The following PSME4 variants were observed in gnomAD, a reference collection of about 807,000 sequenced individuals.
PSME4 encodes the protein proteasome activator complex subunit 4.
PSME4 carries 89 observed loss-of-function variants against 253.9 expected under a neutral mutation model. That is an observed-to-expected ratio of 0.35 (90% CI 0.30 to 0.42). The LOEUF is 0.42. Ranked by LOEUF, PSME4 falls within the 10% of genes least tolerant of loss-of-function variation. The pLI is 1.00. For missense variants in PSME4, 2,014 were observed against 2,195.2 expected, an observed-to-expected ratio of 0.92 and a Z score of 1.65; for synonymous variants, 851 against 759.2, an observed-to-expected ratio of 1.12 and a Z score of -1.99.
At position 53,936,944 on chromosome 2, in the gene PSME4, AAAC is replaced by A. The variant is rs567948244; in HGVS notation, c.696-120_696-118del. On this transcript the variant is annotated intron_variant, in intron 5 of 46. Transcript: ENST00000404125. ...TACTGATAACTACGTTAACTAGAAA[AAAC>A]AATACTGAAGTTATAAACTTAATAA... The A allele has an allele frequency of 2.5e-3, 1,636 of 663,480 alleles. 5 individuals are homozygous for A. The highest frequency in any genetic ancestry group is 3.0e-3 in the Non-Finnish European group (1,166 of 389,722). The allele number at this position is 663,480 out of a possible 1,614,324, so 41.1% of individuals were successfully genotyped here.
intron 8 of PSME4, among the ~76,000 whole-genome samples, chr2:53,933,488 TCCCACCTCAGCCTGCTGAGGAG>T (rs1668955558): frequency 6.8e-6 from 1 of 147,524 alleles, no homozygotes; most frequent in African/African-American, 2.5e-5. Context: ...CAAGCGATCC[TCCCACCTCAGCCTGCTGAGGAG>T]CTAATACCAT....
At chr2:53,868,053 T>C (rs1366893987) in intron 44 of PSME4, among the ~76,000 whole-genome samples, 2 of 151,938 alleles carry the variant, frequency 1.3e-5, no homozygotes, top group Non-Finnish European at 2.9e-5. Context: ...ACATGGAAAA[T>C]AGGGAGTTGA....
intron 20 of PSME4, among the ~76,000 whole-genome samples, chr2:53,915,361 G>T (rs2104446822): frequency 6.6e-6 from 1 of 152,180 alleles, no homozygotes; most frequent in East Asian, 1.9e-4. Context: ...GATCACTTGA[G>T]CCCAGGAGAT....
intron 1 of PSME4, among the ~76,000 whole-genome samples, chr2:53,959,688 A>T (rs1365672632): frequency 6.6e-6 from 1 of 152,216 alleles, no homozygotes; most frequent in African/African-American, 2.4e-5. Context: ...ATCATTACAT[A>T]TAATATTAAA....
Position 53,864,573 on chromosome 2 carries a change from AATG to A in PSME4, c.*1002_*1004del, listed in dbSNP as rs1161715607. On this transcript the variant is annotated 3_prime_UTR_variant, in exon 47 of 47. Transcript: ENST00000404125. Reference sequence around the variant, plus strand: ...ACACGTGAATCTTTACAAATTACACAATGATGTTGTGTAAAAGGTTGCATCTGT... The same window carrying A: ...ACACGTGAATCTTTACAAATTACACAATGTTGTGTAAAAGGTTGCATCTGT... 6.6e-6 allele frequency: 1 copy of A among 152,660 alleles called. No individual in the cohort carries two copies. Among genetic ancestry groups the A allele is most frequent in the Non-Finnish European group, 1.5e-5 (1 of 68,036 alleles). 9.5% of individuals were successfully genotyped at this position (152,660 alleles called of 1,614,324 possible).
intron 20 of PSME4, among the ~76,000 whole-genome samples, chr2:53,913,605 T>C (rs1667926117): frequency 6.6e-6 from 1 of 152,180 alleles, no homozygotes; most frequent in African/African-American, 2.4e-5. Context: ...AAAGTACAAA[T>C]GTCTCACAAG....
At chr2:53,879,498 T>G (rs1056849490) in intron 41 of PSME4, among the ~76,000 whole-genome samples, 3 of 152,124 alleles carry the variant, frequency 2.0e-5, no homozygotes, top group African/African-American at 7.2e-5. Flanking sequence ...ATATAATGCT[T>G]TGTGGGATGT....
At chr2:53,898,713 A>C (rs550316011) in intron 29 of PSME4, among the ~76,000 whole-genome samples, 1 of 152,060 alleles carries the variant, frequency 6.6e-6, no homozygotes, top group Non-Finnish European at 1.5e-5. Context: ...AGGCTATAAG[A>C]GTTTATTATT....
At chr2:53,874,558 G>A in intron 42 of PSME4, 64 bp from the exon 43 acceptor site, 5 of 1,421,082 alleles carry the variant, frequency 3.5e-6, no homozygotes, top group Non-Finnish European at 4.9e-6. Flanking sequence ...ATGACAGATA[G>A]TGACATTACA....
At chr2:53,927,567 C>T in intron 11 of PSME4, 84 bp from the exon 12 acceptor site, 1 of 961,370 alleles carries the variant, frequency 1.0e-6, no homozygotes, top group Non-Finnish European at 1.7e-6. Context: ...ATAAATTACC[C>T]CAATAAATTA....
At chr2:53,887,700 T>A (rs1679704917) in intron 39 of PSME4, among the ~76,000 whole-genome samples, 158 bp downstream of exon 39, 1 of 152,122 alleles carries the variant, frequency 6.6e-6, no homozygotes, top group Non-Finnish European at 1.5e-5. Context: ...ACATTCAGAG[T>A]GTTTCATCTT....
chr2:53,947,248 A>T (rs576944607), intron 3 of PSME4, among the ~76,000 whole-genome samples: 1 of 152,368 alleles, frequency 6.6e-6, no homozygotes, highest in East Asian at 1.9e-4. Flanking sequence ...GACCTAAGTA[A>T]AGGCTGAGGG....
At chr2:53,897,844 G>C (rs1242921977) in intron 31 of PSME4, 26 bp downstream of exon 31, 31 of 1,607,932 alleles carry the variant, frequency 1.9e-5, no homozygotes, top group Non-Finnish European at 2.6e-5. Flanking sequence ...TCAAACCCAA[G>C]ACTGTAGCTA....
At chr2:53,912,284 G>A (rs1667859932) in intron 20 of PSME4, among the ~76,000 whole-genome samples, 1 of 152,120 alleles carries the variant, frequency 6.6e-6, no homozygotes, top group Admixed American at 6.5e-5. Flanking sequence ...TTGGTATGCT[G>A]TAGGTCCAAT....
chr2:53,927,245 A>C (rs1668596815), intron 12 of PSME4, 149 bp downstream of exon 12: 2 of 600,378 alleles, frequency 3.3e-6, no homozygotes, highest in Non-Finnish European at 5.8e-6. Context: ...CTCTCTTGCC[A>C]ATGATGTCCT....
At chr2:53,885,632 C>A in intron 41 of PSME4, 58 bp downstream of exon 41, 3 of 1,308,482 alleles carry the variant, frequency 2.3e-6, no homozygotes, top group Non-Finnish European at 3.3e-6. Context: ...AGATGATGAA[C>A]ACAAATTCCT....
intron 27 of PSME4, among the ~76,000 whole-genome samples, chr2:53,902,623 A>G (rs541890992): frequency 2.5e-4 from 38 of 152,316 alleles, no homozygotes; most frequent in African/African-American, 8.9e-4. Flanking sequence ...GGTCAACAAC[A>G]GAATAGTCAA....
At chr2:53,925,479 T>C in intron 14 of PSME4, 60 bp downstream of exon 14, 1 of 1,404,416 alleles carries the variant, frequency 7.1e-7, no homozygotes. Flanking sequence ...TGAAGTCAAT[T>C]TTAAAACATC....
chr2:53,958,910 C>A (rs1185583808), intron 1 of PSME4, among the ~76,000 whole-genome samples: 1 of 149,432 alleles, frequency 6.7e-6, no homozygotes, highest in Non-Finnish European at 1.5e-5. Flanking sequence ...AAATTACCAA[C>A]AAAAAAATTA....
Sources: gnomAD v4.1 joint callset for allele counts (sites outside exome capture counted in the v4.1 genomes callset) on GRCh38, gnomAD v4.1.1 for gene constraint, MANE v1.5 for transcripts, NCBI Gene and HGNC (gene_info 2026-07-23, HGNC 2026-07-21) for gene names.